The following PPARG variants were observed in gnomAD, a reference collection of about 807,000 sequenced individuals.
PPARG encodes the protein peroxisome proliferator activated receptor gamma.
A neutral mutation model predicts 39.2 loss-of-function variants in PPARG; 17 were observed. That is an observed-to-expected ratio of 0.43 (90% CI 0.30 to 0.65). PPARG has a LOEUF of 0.65. PPARG is among the 30% of genes least tolerant of loss of function. The pLI, the probability that PPARG is intolerant of heterozygous loss-of-function variation, is 0.13. For missense variants in PPARG, 406 were observed against 585.9 expected (o/e 0.69, Z 3.17); for synonymous variants, 223 against 215.7 (o/e 1.03, Z -0.30).
At chr3:12,319,374 T>G (rs2047476144) in intron 2 of PPARG, among the ~76,000 whole-genome samples, 1 of 150,466 alleles carries the variant, frequency 6.6e-6, no homozygotes, top group African/African-American at 2.4e-5. Flanking sequence ...CATGGAGCTT[T>G]GCAATCATTT....
intron 5 of PPARG, among the ~76,000 whole-genome samples, chr3:12,403,338 A>AT (rs1018040313): frequency 2.0e-5 from 3 of 149,454 alleles, no homozygotes; most frequent in African/African-American, 7.4e-5. Context: ...TATTTGTCTT[A>AT]TTTTTTATCA....
At chr3:12,362,310 G>A (rs1188446879) in intron 2 of PPARG, among the ~76,000 whole-genome samples, 1 of 151,908 alleles carries the variant, frequency 6.6e-6, no homozygotes, top group African/African-American at 2.4e-5. Context: ...TTGAGCTCAG[G>A]AGTTCGAGAC....
At chr3:12,326,703 A>T (rs1219678244) in intron 2 of PPARG, among the ~76,000 whole-genome samples, 1 of 151,182 alleles carries the variant, frequency 6.6e-6, no homozygotes, top group Non-Finnish European at 1.5e-5. Flanking sequence ...CTAGGTAGAG[A>T]TTTAGAGTAT....
chr3:12,389,624 C>T (rs999375691), intron 4 of PPARG, among the ~76,000 whole-genome samples: 2 of 152,158 alleles, frequency 1.3e-5, no homozygotes, highest in Non-Finnish European at 1.5e-5. Context: ...GGCGTAGTGG[C>T]ACATGTGTGT....
intron 1 of PPARG, chr3:12,306,031 C>G (rs761892461): frequency 1.3e-5 from 2 of 152,176 alleles, no homozygotes; most frequent in Non-Finnish European, 2.9e-5. Flanking sequence ...TACATTATCT[C>G]ATTTTATTCT....
intron 1 of PPARG, among the ~76,000 whole-genome samples, chr3:12,299,778 A>G (rs1433349267): frequency 4.6e-5 from 7 of 152,204 alleles, no homozygotes; most frequent in Non-Finnish European, 1.0e-4. Flanking sequence ...AGACTGTCCC[A>G]TTAACATCAA....
At chr3:12,381,827 A>G (rs2049674555) in intron 4 of PPARG, among the ~76,000 whole-genome samples, 2 of 152,208 alleles carry the variant, frequency 1.3e-5, no homozygotes, top group Non-Finnish European at 2.9e-5. Flanking sequence ...CATCTTGCAG[A>G]TTTTTACAAA....
chr3:12,313,048 A>C (rs1045368727), intron 2 of PPARG, among the ~76,000 whole-genome samples: 1 of 152,172 alleles, frequency 6.6e-6, no homozygotes, highest in Non-Finnish European at 1.5e-5. Flanking sequence ...AGGCCTAACT[A>C]TAGGGTTCCA....
At chr3:12,299,216 G>T (rs950264611) in intron 1 of PPARG, among the ~76,000 whole-genome samples, 4 of 152,124 alleles carry the variant, frequency 2.6e-5, no homozygotes. Context: ...CAGATAAGGA[G>T]GATAAAGCAA....
intron 2 of PPARG, among the ~76,000 whole-genome samples, chr3:12,318,227 G>A (rs2047442684): frequency 6.6e-6 from 1 of 152,084 alleles, no homozygotes; most frequent in Admixed American, 6.6e-5. Context: ...TCCTGCCTTG[G>A]CCTCCCAAAT....
At chr3:12,306,499 A>C (rs915972836) in intron 1 of PPARG, among the ~76,000 whole-genome samples, 4 of 152,126 alleles carry the variant, frequency 2.6e-5, no homozygotes, top group Non-Finnish European at 5.9e-5. Context: ...GACAATCTGA[A>C]CCCAGCCACC....
At chr3:12,328,064 T>G in intron 2 of PPARG, 1 of 1,478,838 alleles carries the variant, frequency 6.8e-7, no homozygotes, top group Non-Finnish European at 9.4e-7. Context: ...ACAGAGATCA[T>G]GACTTTGGTA....
chr3:12,353,376 A>G (rs1489837481), intron 2 of PPARG, among the ~76,000 whole-genome samples: 1 of 152,204 alleles, frequency 6.6e-6, no homozygotes, highest in African/African-American at 2.4e-5. Flanking sequence ...TGTTACTCCT[A>G]TTGCATTTTG....
chr3:12,309,862 T>G (rs2080141044), intron 1 of PPARG, among the ~76,000 whole-genome samples: 1 of 152,222 alleles, frequency 6.6e-6, no homozygotes, highest in African/African-American at 2.4e-5. Context: ...ACAGCCCCTG[T>G]CTAACGTGGG....
chr3:12,367,336 A>G (rs1296249399), intron 2 of PPARG, among the ~76,000 whole-genome samples: 1 of 152,216 alleles, frequency 6.6e-6, no homozygotes, highest in African/African-American at 2.4e-5. Context: ...TCAGATTATT[A>G]GTAATATCTC....
chr3:12,401,198 G>T (rs1194774361), intron 5 of PPARG, among the ~76,000 whole-genome samples: 2 of 152,112 alleles, frequency 1.3e-5, no homozygotes, highest in African/African-American at 4.8e-5. Context: ...TCCTCCTCTT[G>T]GTTGTCAGAT....
At chr3:12,386,925 C>G (rs937153080) in intron 4 of PPARG, among the ~76,000 whole-genome samples, 1 of 150,728 alleles carries the variant, frequency 6.6e-6, no homozygotes, top group African/African-American at 2.4e-5. Context: ...TGTGTCCATG[C>G]ATTCTCATTG....
chr3:12,368,183 C>T (rs368936218), intron 2 of PPARG, among the ~76,000 whole-genome samples: 10 of 133,442 alleles, frequency 7.5e-5, no homozygotes, highest in Admixed American at 1.5e-4. Context: ...TTTTCTTTTT[C>T]TTTTTTGTTT....
chr3:12,414,434 T>C (rs1342067622), intron 6 of PPARG, among the ~76,000 whole-genome samples: 2 of 152,112 alleles, frequency 1.3e-5, no homozygotes, highest in Non-Finnish European at 2.9e-5. Flanking sequence ...CCAGGCAACA[T>C]ACATAGCAAG....
Sources: gnomAD v4.1 joint callset for allele counts (sites outside exome capture counted in the v4.1 genomes callset) on GRCh38, gnomAD v4.1.1 for gene constraint, MANE v1.5 for transcripts, NCBI Gene and HGNC (gene_info 2026-07-23, HGNC 2026-07-21) for gene names.